The following PHAX variants were observed in gnomAD, a reference collection of about 807,000 sequenced individuals.
PHAX encodes phosphorylated adapter RNA export protein.
In PHAX, 31 loss-of-function variants were observed where a neutral mutation model predicts 41.6. The ratio of observed to expected loss-of-function variants is 0.75; its 90% CI spans 0.56 to 1.01. The LOEUF is 1.01. Among genes scored for constraint, PHAX ranks in the 50% least tolerant of loss-of-function variants. The probability of loss-of-function intolerance (pLI) is 0.00; values close to 1 mark genes in which losing one functional copy is unlikely to be tolerated. For missense variants in PHAX, 453 were observed against 472.9 expected, an observed-to-expected ratio of 0.96 and a Z score of 0.39; for synonymous variants, 175 against 164.9, an observed-to-expected ratio of 1.06 and a Z score of -0.47.
chr5:126,620,863 G>A (rs544286815), intron 4 of PHAX, among the ~76,000 whole-genome samples: 11 of 151,838 alleles, frequency 7.2e-5, no homozygotes, highest in Middle Eastern at 3.4e-3. Flanking sequence ...TCAGCCTCTC[G>A]AGTAGCTGGG....
Position 126,603,616 on chromosome 5 carries a change from C to T in PHAX, c.143C>T (p.Ala48Val). ...GCTATGAGGGCCTTCCAGAACACGG[C>T]AACTGCATGTGCACCAGTATCACAT... ...DSAMRAFQNT[A>V]TACAPVSHYR... The change falls in exon 2 of 5, where the codon GCA (alanine) becomes GTA (valine). Residue 48 changes from alanine (A) to valine (V), a missense_variant. Coordinates refer to ENST00000297540, the MANE Select transcript of PHAX (RefSeq NM_032177.4). The T allele has an allele frequency of 6.2e-7, 1 of 1,614,046 alleles. No individual in the cohort carries two copies. The highest frequency in any genetic ancestry group is 1.1e-5 in the South Asian group (1 of 91,078).
intron 3 of PHAX, among the ~76,000 whole-genome samples, chr5:126,616,740 C>T (rs1235808872): frequency 6.6e-6 from 1 of 151,792 alleles, no homozygotes; most frequent in Non-Finnish European, 1.5e-5. Context: ...ATTCGCCAGG[C>T]GTGGTGGGGA....
intron 4 of PHAX, among the ~76,000 whole-genome samples, chr5:126,621,806 A>G (rs1752276251): frequency 6.6e-6 from 1 of 152,134 alleles, no homozygotes; most frequent in Non-Finnish European, 1.5e-5. Context: ...ATATATAGAT[A>G]TGGATGGGAG....
chr5:126,622,968 A>G (rs548565636), intron 4 of PHAX, among the ~76,000 whole-genome samples: 1 of 152,174 alleles, frequency 6.6e-6, no homozygotes, highest in African/African-American at 2.4e-5. Context: ...TCCACTAAAA[A>G]TACAAAATAT....
intron 3 of PHAX, among the ~76,000 whole-genome samples, chr5:126,614,565 G>C (rs1405260078): frequency 6.6e-6 from 1 of 152,146 alleles, no homozygotes; most frequent in African/African-American, 2.4e-5. Context: ...TTTGCAAGAT[G>C]AAACAGTTTT....
At chr5:126,613,159 T>G (rs546134162) in intron 3 of PHAX, among the ~76,000 whole-genome samples, 55 of 152,078 alleles carry the variant, frequency 3.6e-4, no homozygotes, top group African/African-American at 1.2e-3. Context: ...GACCAGCCTG[T>G]CCAACATGGT....
At chr5:126,617,014 C>T (rs79100379) in intron 3 of PHAX, among the ~76,000 whole-genome samples, 4,742 of 151,964 alleles carry the variant, frequency 0.031, 220 homozygotes, top group African/African-American at 0.11. Context: ...TTTTAAATCA[C>T]GGAATTTCAG....
chr5:126,620,073 T>G (rs1343305998), intron 4 of PHAX, among the ~76,000 whole-genome samples: 1 of 152,242 alleles, frequency 6.6e-6, no homozygotes, highest in Non-Finnish European at 1.5e-5. Context: ...ATCTGCTCAG[T>G]GTTCTTTTTC....
rs1261131027 is a variant in PHAX, at chr5:126,626,729, C to G, written c.*1885C>G. 8.4e-6 allele frequency: 1 copy of G among 118,822 alleles called. No individual in the cohort carries two copies. Among genetic ancestry groups the G allele is most frequent in the Non-Finnish European group, 1.6e-5 (1 of 61,420 alleles). 7.4% of individuals were successfully genotyped at this position (118,822 alleles called of 1,614,324 possible). A position where few individuals can be genotyped will look rare whatever the true frequency, so the allele number is the denominator to read the frequency against. ...TCCAGCCTGGCGACAGAGCGAGACT[C>G]CCTCTCAAAAAAAAAAAAAAAAATA... is the stretch of plus-strand genomic sequence containing the variant. On this transcript the variant is annotated 3_prime_UTR_variant, in exon 5 of 5. Coordinates refer to ENST00000297540, the MANE Select transcript of PHAX (RefSeq NM_032177.4).
chr5:126,619,696 T>C (rs1195199670), intron 4 of PHAX, among the ~76,000 whole-genome samples: 1 of 152,192 alleles, frequency 6.6e-6, no homozygotes, highest in Admixed American at 6.6e-5. Context: ...TATTATAAAC[T>C]AGAAGGTGTA....
chr5:126,622,412 G>C (rs117042057), intron 4 of PHAX, among the ~76,000 whole-genome samples: 6,247 of 149,344 alleles, frequency 0.042, 169 homozygotes, highest in East Asian at 0.14. Context: ...GATTACAGGC[G>C]AGAGCCAGCA....
chr5:126,619,152 C>T (rs1285728000), intron 4 of PHAX, among the ~76,000 whole-genome samples: 1 of 152,138 alleles, frequency 6.6e-6, no homozygotes, highest in East Asian at 1.9e-4. Flanking sequence ...GTCTCCAACT[C>T]CTGGGCTCAA....
chr5:126,608,096 G>A (rs913090418), intron 2 of PHAX, among the ~76,000 whole-genome samples: 16 of 152,130 alleles, frequency 1.1e-4, no homozygotes, highest in Non-Finnish European at 1.5e-4. Context: ...TGCATTCATC[G>A]TGCTGCATGT....
At chr5:126,609,425 A>G (rs559725709) in intron 3 of PHAX, among the ~76,000 whole-genome samples, 2 of 152,186 alleles carry the variant, frequency 1.3e-5, no homozygotes, top group South Asian at 4.1e-4. Flanking sequence ...TTAAGACGAC[A>G]AAGTCTAGGG....
At position 126,614,597 on chromosome 5, in the gene PHAX, G is replaced by A. The variant is rs115918941; in HGVS notation, c.832-2653G>A. On this transcript the variant is annotated intron_variant, in intron 3 of 4. Coordinates refer to ENST00000297540, the MANE Select transcript of PHAX (RefSeq NM_032177.4). ...TTTTGGAGATCTGTTTTATAACCGT[G>A]TAAATATACTTTACTACTGAACTGT... Among the ~76,000 whole-genome samples the A allele has an allele frequency of 1.1e-3, 172 of 152,182 alleles. 1 individual carries two copies. Among genetic ancestry groups the A allele is most frequent in the African/African-American group, 4.0e-3 (166 of 41,496 alleles).
At chr5:126,607,429 ACTCTCGTTGC>A (rs1752008517) in intron 2 of PHAX, among the ~76,000 whole-genome samples, 1 of 108,896 alleles carries the variant, frequency 9.2e-6, no homozygotes, top group Non-Finnish European at 1.7e-5. Flanking sequence ...ACGGAGTTTC[ACTCTCGTTGC>A]CCAGGCTGGA....
intron 4 of PHAX, among the ~76,000 whole-genome samples, chr5:126,620,615 GA>G (rs1203341453): frequency 6.6e-6 from 1 of 152,142 alleles, no homozygotes; most frequent in African/African-American, 2.4e-5. Context: ...CTCATTTAGG[GA>G]AAGGATTTTA....
At chr5:126,606,601 T>C (rs1044743076) in intron 2 of PHAX, among the ~76,000 whole-genome samples, 11 of 152,236 alleles carry the variant, frequency 7.2e-5, no homozygotes, top group Non-Finnish European at 1.5e-4. Flanking sequence ...TGAATAATGC[T>C]GTTATGAACC....
intron 3 of PHAX, among the ~76,000 whole-genome samples, chr5:126,613,155 C>G (rs572708789): frequency 3.7e-4 from 57 of 152,204 alleles, no homozygotes; most frequent in African/African-American, 1.2e-3. Context: ...TCGAGACCAG[C>G]CTGTCCAACA....
Sources: gnomAD v4.1 joint callset for allele counts (sites outside exome capture counted in the v4.1 genomes callset) on GRCh38, gnomAD v4.1.1 for gene constraint, MANE v1.5 for transcripts, NCBI Gene and HGNC (gene_info 2026-07-23, HGNC 2026-07-21) for gene names.